Variants in POLR2F observed in about 807,000 individuals in gnomAD.
POLR2F encodes the protein RNA polymerase II, I and III subunit F, also known as DNA-directed RNA polymerases I, II, and III subunit RPABC2.
Under a neutral mutation model 22.7 loss-of-function variants are expected in POLR2F, and 12 were observed. The observed-to-expected ratio is 0.53, with a 90% CI of 0.34 to 0.86. The LOEUF (loss-of-function observed/expected upper bound fraction) is 0.86. Among genes scored for constraint, POLR2F ranks in the 40% least tolerant of loss-of-function variants. The pLI is 0.02. For missense variants in POLR2F, 126 were observed against 171.5 expected, an observed-to-expected ratio of 0.73 and a Z score of 1.48; for synonymous variants, 57 against 66.0, an observed-to-expected ratio of 0.86 and a Z score of 0.66.
intron 1 of POLR2F, among the ~76,000 whole-genome samples, chr22:38,002,342 A>G (rs2084779006): frequency 6.6e-6 from 1 of 152,236 alleles, no homozygotes; most frequent in Admixed American, 6.5e-5. Flanking sequence ...AAACTTGTTT[A>G]TAGCCAACCA....
chr22:38,019,963 G>T (rs2084945947), intron 1 of POLR2F, among the ~76,000 whole-genome samples: 1 of 152,008 alleles, frequency 6.6e-6, no homozygotes, highest in Non-Finnish European at 1.5e-5. Flanking sequence ...GCGGTGAGCC[G>T]AGATCGTGCT....
intron 1 of POLR2F, among the ~76,000 whole-genome samples, chr22:38,002,983 T>G (rs2084787615): frequency 6.6e-6 from 1 of 151,956 alleles, no homozygotes; most frequent in Admixed American, 6.6e-5. Flanking sequence ...CCTCGGCCTC[T>G]CAAAGTGCTA....
chr22:38,034,505 AC>A (rs2085096197), intron 5 of POLR2F, among the ~76,000 whole-genome samples: 1 of 152,190 alleles, frequency 6.6e-6, no homozygotes, highest in Non-Finnish European at 1.5e-5. Flanking sequence ...CTCTAAGGAG[AC>A]CGAAGTGCCC....
At chr22:38,028,699 G>A (rs566749519), downstream of POLR2F, among the ~76,000 whole-genome samples, 3 of 152,288 alleles carry the variant, frequency 2.0e-5, no homozygotes, top group African/African-American at 7.2e-5. Context: ...GTGTCCCTCT[G>A]TGGGATGGGG....
At chr22:38,036,277 G>A (rs1418648913) in intron 5 of POLR2F, among the ~76,000 whole-genome samples, 4 of 151,812 alleles carry the variant, frequency 2.6e-5, no homozygotes, top group East Asian at 1.9e-4. Context: ...GCACCCAGCC[G>A]AGCCCCTGCT....
At chr22:37,977,987 C>G in intron 4 of POLR2F, 1 of 1,611,994 alleles carries the variant, frequency 6.2e-7, no homozygotes, top group Non-Finnish European at 8.5e-7. Flanking sequence ...TCGGCCTCCC[C>G]ACCGGGGCAC....
At chr22:38,025,464 T>G (rs2084999129) in intron 1 of POLR2F, 1 of 1,378,668 alleles carries the variant, frequency 7.3e-7, no homozygotes, top group Admixed American at 3.3e-5. Context: ...ACACACGTAC[T>G]CAAAGATACG....
intron 1 of POLR2F, among the ~76,000 whole-genome samples, chr22:38,014,810 T>A (rs1261332403): frequency 4.2e-5 from 6 of 143,128 alleles, no homozygotes; most frequent in Admixed American, 2.1e-4. Context: ...TTTTGTATTT[T>A]TTTTTTTTTT....
chr22:37,956,857 T>C lies in POLR2F; in HGVS notation c.90+15T>C, dbSNP rs1342458758. 1 of 1,602,188 alleles carries C rather than the reference T, an allele frequency of 6.2e-7. No homozygotes were observed. Among genetic ancestry groups the C allele is most frequent in the Non-Finnish European group, 8.6e-7 (1 of 1,169,044 alleles). ...ATGCCGAAGAGGTCAGTATTCAGCC[T>C]CAGGCTCCCACCTCTGCAGCCCAAG... On this transcript the variant is annotated intron_variant, in intron 2 of 4. Coordinates refer to ENST00000442738, the MANE Select transcript of POLR2F (RefSeq NM_021974.5).
intron 1 of POLR2F, among the ~76,000 whole-genome samples, chr22:38,011,574 C>A (rs1213003442): frequency 6.6e-6 from 1 of 151,682 alleles, no homozygotes; most frequent in African/African-American, 2.4e-5. Context: ...ATCAATTGAC[C>A]ACATGTGTGG....
rs974595747 is a variant in POLR2F, at chr22:37,980,575, C to G, written c.293+13405C>G. 6.6e-6 allele frequency among the ~76,000 whole-genome samples: 1 copy of G among 152,170 alleles called. No homozygotes were observed. The highest frequency in any genetic ancestry group is 6.5e-5 in the Admixed American group (1 of 15,272). ...GCCGGACAGCTGATTCCACCTCCAC[C>G]CCAACCCCAAGCCCAGCCTGCCCAC... On this transcript the variant is annotated intron_variant, in intron 4 of 4. Coordinates refer to the POLR2F transcript ENST00000405557. The surrounding 1 kb of genome is among the most constrained non-coding windows in gnomAD (Gnocchi z 4.1).
intron 1 of POLR2F, among the ~76,000 whole-genome samples, chr22:38,009,037 C>T (rs1414372974): frequency 6.6e-6 from 1 of 152,128 alleles, no homozygotes. Context: ...GGCAGTTGGA[C>T]ATTTGGGTAT....
chr22:38,023,259 A>G (rs1487017264), intron 1 of POLR2F, among the ~76,000 whole-genome samples: 1 of 152,010 alleles, frequency 6.6e-6, no homozygotes, highest in Non-Finnish European at 1.5e-5. Flanking sequence ...CTGTGCACCC[A>G]TCTCACCTAC....
chr22:37,992,273 CAG>C (rs1271206864), intron 1 of POLR2F, among the ~76,000 whole-genome samples: 1 of 152,182 alleles, frequency 6.6e-6, no homozygotes, highest in Non-Finnish European at 1.5e-5. Context: ...ACACTTAAGA[CAG>C]GGTCTGGCAC....
At position 38,002,678 on chromosome 22, in the gene POLR2F, CAG is replaced by C. The variant is rs769780073; in HGVS notation, c.120+16374_120+16375del. Among the ~76,000 whole-genome samples, 107 of 152,140 alleles carry C rather than the reference CAG, an allele frequency of 7.0e-4. No individual in the cohort carries two copies. In the Middle Eastern group the frequency reaches 0.017, roughly 24 times the overall value. ...GAGGTGATGTTTGGGTGCAACCTTA[CAG>C]AGAGAGAAGGGATTGAATAGAGGGG... On this transcript the variant is annotated intron_variant, in intron 1 of 2. Transcript: ENST00000333418.
chr22:37,959,766 A>C (rs1392012731), intron 3 of POLR2F, among the ~76,000 whole-genome samples: 2 of 150,804 alleles, frequency 1.3e-5, no homozygotes, highest in East Asian at 1.9e-4. Context: ...TTAGTGCAGC[A>C]AAAAAGGTGA....
chr22:37,985,373 C>T (rs1932539527), upstream of POLR2F, among the ~76,000 whole-genome samples: 1 of 152,024 alleles, frequency 6.6e-6, no homozygotes, highest in Non-Finnish European at 1.5e-5. Context: ...TCCTCTACTC[C>T]CCCACCCCAA....
intron 1 of POLR2F, among the ~76,000 whole-genome samples, chr22:37,991,743 G>C (rs150509504): frequency 6.6e-6 from 1 of 152,120 alleles, no homozygotes; most frequent in Non-Finnish European, 1.5e-5. Flanking sequence ...CCTGTTTGAC[G>C]TGTACCAGGT....
chr22:37,973,424 G>A (rs925794828), downstream of POLR2F: 1 of 1,023,786 alleles, frequency 9.8e-7, no homozygotes, highest in South Asian at 1.6e-5. Flanking sequence ...CCAGGCCTGA[G>A]GTGGGCAAGG....
Sources: allele counts gnomAD v4.1 joint callset (sites outside exome capture counted in the v4.1 genomes callset), GRCh38; gene constraint gnomAD v4.1.1; non-coding constraint Gnocchi (gnomAD v3.1); transcripts MANE v1.5; gene names NCBI Gene and HGNC (gene_info 2026-07-23, HGNC 2026-07-21).